TERT: variants seen among roughly 807,000 people sequenced by gnomAD.
TERT encodes telomerase reverse transcriptase, also known as telomerase catalytic subunit.
A neutral mutation model predicts 104.0 loss-of-function variants in TERT; 42 were observed. The ratio of observed to expected loss-of-function variants is 0.40; its 90% CI spans 0.32 to 0.52. The LOEUF (loss-of-function observed/expected upper bound fraction) is 0.52, where lower values mean the gene tolerates loss of function less well. Ranked by LOEUF, TERT falls within the 20% of genes least tolerant of loss-of-function variation. The pLI is 0.43. For missense variants in TERT, 1,101 were observed against 1,610.3 expected (o/e 0.68, Z 5.41); for synonymous variants, 781 against 725.6 (o/e 1.08, Z -1.23).
intron 2 of TERT, among the ~76,000 whole-genome samples, chr5:1,283,417 C>T (rs1430330435): frequency 1.4e-5 from 2 of 147,202 alleles, no homozygotes; most frequent in Non-Finnish European, 3.0e-5. Flanking sequence ...GACCTCACCC[C>T]GGACCTGCAC....
intron 2 of TERT, among the ~76,000 whole-genome samples, chr5:1,285,645 C>A (rs1472729278): frequency 7.6e-6 from 1 of 131,396 alleles, no homozygotes; most frequent in Non-Finnish European, 1.5e-5. Context: ...TGTCGGCTCA[C>A]TGCAACTTCC....
At chr5:1,282,291 C>T in intron 3 of TERT, 138 bp downstream of exon 3, 1 of 841,916 alleles carries the variant, frequency 1.2e-6, no homozygotes, top group Non-Finnish European at 2.0e-6. Context: ...TTGGACCAGG[C>T]CTGTGACGGG....
rs1747786330 is a variant in TERT at position 1,256,932 on chromosome 5, G to C, written c.3033-1521C>G. On this transcript the variant is annotated intron_variant, in intron 13 of 15. Transcript: ENST00000310581. The surrounding 1 kb of genome is among the most constrained non-coding windows in gnomAD (Gnocchi z 7.0). Reference sequence around the variant, plus strand: ...GCCGAGCCCCAGCGGATTTGAATCAGACCCCGCCCCCAGCGCCACGTGGAC... The same window carrying C: ...GCCGAGCCCCAGCGGATTTGAATCACACCCCGCCCCCAGCGCCACGTGGAC... Among the ~76,000 whole-genome samples the C allele has an allele frequency of 6.6e-6, 1 of 152,070 alleles. No homozygotes were observed. The highest frequency in any genetic ancestry group is 1.5e-5 in the Non-Finnish European group (1 of 68,004).
At position 1,263,819 on chromosome 5, in the gene TERT, T is replaced by C. The variant is rs1444133390; in HGVS notation, c.2843+585A>G. Among the ~76,000 whole-genome samples, 2 of 152,242 alleles carry C rather than the reference T, an allele frequency of 1.3e-5. No individual in the cohort carries two copies. Among genetic ancestry groups the C allele is most frequent in the Non-Finnish European group, 2.9e-5 (2 of 68,044 alleles). ...GACGGGGCCTTGAGCTCTCGGGCTC[T>C]GGGGAAACAAGACCCCAGAATTTTG... On this transcript the variant is annotated intron_variant, in intron 11 of 15. Transcript: ENST00000310581. The surrounding 1 kb of genome is among the most constrained non-coding windows in gnomAD (Gnocchi z 5.3).
chr5:1,278,899 G>T, intron 5 of TERT, 103 bp from the exon 6 acceptor site: 1 of 1,495,100 alleles, frequency 6.7e-7, no homozygotes, highest in South Asian at 1.1e-5. Context: ...CTCTCTCTCT[G>T]ACCCCCACCA....
intron 5 of TERT, 146 bp from the exon 6 acceptor site, chr5:1,278,942 CCCTCT>C: frequency 8.5e-7 from 1 of 1,179,286 alleles, no homozygotes; most frequent in Non-Finnish European, 1.2e-6. Flanking sequence ...GGGCTGTGTC[CCCTCT>C]CTGAGCCTCA....
chr5:1,285,409 G>A (rs369853433), intron 2 of TERT, among the ~76,000 whole-genome samples: 39 of 152,240 alleles, frequency 2.6e-4, no homozygotes, highest in Admixed American at 9.2e-4. Flanking sequence ...ACGGGATCCC[G>A]CAGACAAAGC....
At chr5:1,281,430 G>C (rs1238470469) in intron 3 of TERT, among the ~76,000 whole-genome samples, 3 of 152,210 alleles carry the variant, frequency 2.0e-5, no homozygotes, top group African/African-American at 7.2e-5. Context: ...AGGGGAGCTG[G>C]GGAAGCCCTG....
intron 6 of TERT, 22 bp downstream of exon 6, chr5:1,278,619 G>A (rs201672861): frequency 1.4e-5 from 23 of 1,614,006 alleles, no homozygotes; most frequent in Middle Eastern, 1.6e-4. Flanking sequence ...TCCTGGACAC[G>A]ACTATCACAC....
chr5:1,257,451 A>C lies in TERT; in HGVS notation c.3032+1147T>G, dbSNP rs1483750224. Reference sequence around the variant, plus strand: ...TCCAGCACACCCCAAGGGTTTCCGGAAAGGAGTCAAGCAGCTTGCACGAGG... The same window carrying C: ...TCCAGCACACCCCAAGGGTTTCCGGCAAGGAGTCAAGCAGCTTGCACGAGG... On this transcript the variant is annotated intron_variant, in intron 13 of 15. Transcript: ENST00000310581. This position sits in a 1 kb window ranked among gnomAD's most constrained non-coding sequence, Gnocchi z 5.6. 1.3e-5 allele frequency among the ~76,000 whole-genome samples: 2 copies of C among 152,124 alleles called. No individual in the cohort carries two copies. Among genetic ancestry groups the C allele is most frequent in the African/African-American group, 4.8e-5 (2 of 41,418 alleles).
chr5:1,282,516 A>G lies in TERT; in HGVS notation c.1682T>C (p.Phe561Ser). ...VYVVELLRSF[F>S]YVTETTFQKN... The stretch of plus-strand genomic sequence containing the variant: ...TTGAAACGTGGTCTCCGTGACATAA[A>G]AGAAAGACCTGAGCAGCTCGACGAC... The change falls in exon 3 of 16, where the codon TTT becomes TCT. Residue 561 changes from phenylalanine (F) to serine (S), a missense_variant. Transcript: ENST00000310581. 6.2e-7 allele frequency: 1 copy of G among 1,614,170 alleles called. No individual in the cohort carries two copies. The highest frequency in any genetic ancestry group is 8.5e-7 in the Non-Finnish European group (1 of 1,180,040).
chr5:1,286,744 G>C lies in TERT; in HGVS notation c.1574-4120C>G, dbSNP rs1307127333. Among the ~76,000 whole-genome samples, 2 of 152,134 alleles carry C rather than the reference G, an allele frequency of 1.3e-5. No individual in the cohort carries two copies. Among genetic ancestry groups the C allele is most frequent in the African/African-American group, 4.8e-5 (2 of 41,424 alleles). ...AATACAAAAATTAGCCAGGCGTGGT[G>C]GTGGGCGCCTGTAATCCCAGCTACT... is the stretch of plus-strand genomic sequence containing the variant. On this transcript the variant is annotated intron_variant, in intron 2 of 15. Transcript: ENST00000310581. The surrounding 1 kb of genome is among the most constrained non-coding windows in gnomAD (Gnocchi z 5.3).
intron 3 of TERT, among the ~76,000 whole-genome samples, chr5:1,282,143 G>A (rs1393737350): frequency 6.6e-6 from 1 of 152,180 alleles, no homozygotes; most frequent in Non-Finnish European, 1.5e-5. Flanking sequence ...GGAAAGGCAA[G>A]GAGGCTAGTG....
Position 1,286,154 on chromosome 5 carries a change from C to CTT in TERT, c.1574-3531_1574-3530insAA, listed in dbSNP as rs1750470138. Reference sequence around the variant, plus strand: ...AAGGAACGCTGGCCACGTGGTGCTCCAGACACTCACGGGCCAAGATGACCG... The same window carrying CTT: ...AAGGAACGCTGGCCACGTGGTGCTCCTTAGACACTCACGGGCCAAGATGACCG... On this transcript the variant is annotated intron_variant, in intron 2 of 15. Coordinates refer to ENST00000310581, the MANE Select transcript of TERT (RefSeq NM_198253.3). This position sits in a 1 kb window ranked among gnomAD's most constrained non-coding sequence, Gnocchi z 5.3. 6.6e-6 allele frequency among the ~76,000 whole-genome samples: 1 copy of CTT among 152,172 alleles called. No homozygotes were observed. Among genetic ancestry groups the CTT allele is most frequent in the Non-Finnish European group, 1.5e-5 (1 of 68,040 alleles).
In TERT at chr5:1,255,219, C is replaced by T; in HGVS notation, c.3157+68G>A. The T allele has an allele frequency of 6.3e-7, 1 of 1,590,838 alleles. No homozygotes were observed. On this transcript the variant is annotated intron_variant, in intron 14 of 15. Coordinates refer to ENST00000310581, the MANE Select transcript of TERT (RefSeq NM_198253.3). This position sits in a 1 kb window ranked among gnomAD's most constrained non-coding sequence, Gnocchi z 6.9. ...AGAACTTCCTAAGCCCAGATTCACT[C>T]AGTCTCCTGACACACTAACACCAGC...
At position 1,278,706 on chromosome 5, in the gene TERT, C is replaced by T. The variant is rs150819225; in HGVS notation, c.2221G>A (p.Val741Met). The change falls in exon 6 of 16, where the codon GTG becomes ATG. Residue 741 changes from valine (V) to methionine (M), a missense_variant. Around this residue, in one of 5 missense-constraint regions of TERT, gnomAD observed 463 missense variants for 797.5 expected, o/e 0.58. Coordinates refer to ENST00000310581, the MANE Select transcript of TERT (RefSeq NM_198253.3). ...SIIKPQNTYC[V>M]RRYAVVQKAA... ...TTCTGGACCACGGCATACCGACGCA[C>T]GCAGTACGTGTTCTGGGGTTTGATG... is the stretch of plus-strand genomic sequence containing the variant. 2.7e-5 allele frequency: 43 copies of T among 1,614,066 alleles called. No individual in the cohort carries two copies. The highest frequency in any genetic ancestry group is 8.0e-5 in the African/African-American group (6 of 74,948).
rs1037801224 is a variant in TERT, at chr5:1,260,333, C to G, written c.2970+141G>C. 7 of 1,353,104 alleles carry G rather than the reference C, an allele frequency of 5.2e-6. No homozygotes were observed. The African/African-American group carries it at 1.0e-4, about 19-fold the overall frequency. 83.8% of individuals were successfully genotyped at this position (1,353,104 alleles called of 1,614,324 possible). A position where few individuals can be genotyped will look rare whatever the true frequency, so the allele number is the denominator to read the frequency against. ...ACACACATGCACACATGTATGTGCT[C>G]ACGTGTATATGCGTACATGTGCACT... On this transcript the variant is annotated intron_variant, in intron 12 of 15. Coordinates refer to ENST00000310581, the MANE Select transcript of TERT (RefSeq NM_198253.3).
chr5:1,254,578 C>G, intron 14 of TERT, 73 bp from the exon 15 acceptor site: 1 of 1,529,526 alleles, frequency 6.5e-7, no homozygotes, highest in Non-Finnish European at 8.8e-7. Flanking sequence ...GGAAAGCTGC[C>G]CACACCCGAC....
Position 1,253,847 on chromosome 5 carries a change from C to T in TERT, c.3296-16G>A. 1 of 1,601,548 alleles carries T rather than the reference C, an allele frequency of 6.2e-7. No individual in the cohort carries two copies. The highest frequency in any genetic ancestry group is 8.5e-7 in the Non-Finnish European group (1 of 1,175,558). The stretch of plus-strand genomic sequence containing the variant: ...TGCGTCTGGGCTGCGGGGCCAAAAT[C>T]AGACTCCGTTCCAGAAGAGGCCAGA... On this transcript the variant is annotated splice_polypyrimidine_tract_variant and intron_variant, in intron 15 of 15. Coordinates refer to ENST00000310581, the MANE Select transcript of TERT (RefSeq NM_198253.3).
Sources: allele counts gnomAD v4.1 joint callset (sites outside exome capture counted in the v4.1 genomes callset), GRCh38; gene constraint gnomAD v4.1.1; regional missense constraint gnomAD v4.1.1; non-coding constraint Gnocchi (gnomAD v3.1); transcripts MANE v1.5; gene names NCBI Gene and HGNC (gene_info 2026-07-23, HGNC 2026-07-21).